The following CLVS1 variants were observed in gnomAD, a reference collection of about 807,000 sequenced individuals.
CLVS1 encodes clavesin 1, also known as clavesin-1.
A neutral mutation model predicts 33.1 loss-of-function variants in CLVS1; 10 were observed. That is an observed-to-expected ratio of 0.30 (90% CI 0.19 to 0.51). The LOEUF is 0.51. CLVS1 is among the 20% of genes least tolerant of loss of function. The probability of loss-of-function intolerance (pLI) is 0.97; values close to 1 mark genes in which losing one functional copy is unlikely to be tolerated. For missense variants in CLVS1, 343 were observed against 433.4 expected (o/e 0.79, Z 1.85); for synonymous variants, 163 against 166.1 (o/e 0.98, Z 0.14).
the CLVS1 span, among the ~76,000 whole-genome samples, chr8:61,036,432 G>A: frequency 1.3e-5 from 2 of 152,334 alleles, no homozygotes; most frequent in South Asian, 4.1e-4. Context: ...TCACTTGGTA[G>A]CACTCAGACT....
At chr8:61,267,556 T>C (rs1375834712) in intron 2 of CLVS1, among the ~76,000 whole-genome samples, 2 of 152,214 alleles carry the variant, frequency 1.3e-5, no homozygotes, top group African/African-American at 2.4e-5. Context: ...GGGAAAATTA[T>C]CTTCAGCCTT....
chr8:61,230,238 G>C (rs1563454347), intron 2 of CLVS1, among the ~76,000 whole-genome samples: 2 of 152,140 alleles, frequency 1.3e-5, no homozygotes, highest in Admixed American at 1.3e-4. Flanking sequence ...ACTTTTCTTT[G>C]TGAGGGCCAA....
At chr8:61,123,218 G>A (rs1184887777) in intron 1 of CLVS1, among the ~76,000 whole-genome samples, 3 of 133,932 alleles carry the variant, frequency 2.2e-5, no homozygotes, top group African/African-American at 8.0e-5. Context: ...GCGCTGAGCC[G>A]AGATCGCACC....
At chr8:61,495,251 T>C (rs1804229939) in intron 5 of CLVS1, among the ~76,000 whole-genome samples, 1 of 152,154 alleles carries the variant, frequency 6.6e-6, no homozygotes, top group South Asian at 2.1e-4. Context: ...CTCCTCTGAC[T>C]GGGTAATGGG....
intron 5 of CLVS1, among the ~76,000 whole-genome samples, chr8:61,476,208 C>T (rs954810563): frequency 1.3e-5 from 2 of 152,242 alleles, no homozygotes; most frequent in South Asian, 2.1e-4. Context: ...AGCCTTGTAG[C>T]ATAGTTTGAA....
chr8:61,271,773 C>T (rs1240369535), intron 2 of CLVS1, among the ~76,000 whole-genome samples: 4 of 146,772 alleles, frequency 2.7e-5, no homozygotes, highest in Non-Finnish European at 6.0e-5. Context: ...TATGTAATGG[C>T]CTTCTTTGTC....
intron 2 of CLVS1, among the ~76,000 whole-genome samples, chr8:61,140,721 C>A (rs1806292320): frequency 6.6e-6 from 1 of 152,102 alleles, no homozygotes; most frequent in Admixed American, 6.5e-5. Flanking sequence ...GCCACCATGC[C>A]CGGCTAAATT....
At chr8:61,026,022 C>T in the CLVS1 span, among the ~76,000 whole-genome samples, 8 of 150,198 alleles carry the variant, frequency 5.3e-5, no homozygotes, top group South Asian at 2.1e-4. Context: ...GAATGTCCCA[C>T]CCCCCTTCCC....
At chr8:61,101,728 A>G (rs1049326523) in intron 1 of CLVS1, among the ~76,000 whole-genome samples, 4 of 151,882 alleles carry the variant, frequency 2.6e-5, no homozygotes, top group African/African-American at 7.3e-5. Context: ...TACAAGTTTT[A>G]TATGTTTTTA....
intron 5 of CLVS1, among the ~76,000 whole-genome samples, chr8:61,474,860 T>C (rs1291267865): frequency 6.6e-6 from 1 of 152,240 alleles, no homozygotes; most frequent in Non-Finnish European, 1.5e-5. Context: ...GTTTGTTACA[T>C]ATGTATACAT....
chr8:61,144,335 AATG>A (rs1445656069), intron 2 of CLVS1, among the ~76,000 whole-genome samples: 1 of 152,128 alleles, frequency 6.6e-6, no homozygotes, highest in Non-Finnish European at 1.5e-5. Flanking sequence ...GTTTGCTGAG[AATG>A]ATGCTTTCCA....
intron 5 of CLVS1, among the ~76,000 whole-genome samples, chr8:61,492,321 T>G (rs546655138): frequency 1.3e-5 from 2 of 152,254 alleles, no homozygotes; most frequent in African/African-American, 4.8e-5. Flanking sequence ...TAAATAAATA[T>G]TAATGAGATA....
chr8:61,344,287 T>C (rs1439046351), intron 2 of CLVS1, among the ~76,000 whole-genome samples: 1 of 152,198 alleles, frequency 6.6e-6, no homozygotes, highest in East Asian at 1.9e-4. Flanking sequence ...CCTCAGGTGA[T>C]CCACCCACAT....
intron 2 of CLVS1, among the ~76,000 whole-genome samples, chr8:61,140,224 T>G (rs1302312060): frequency 6.6e-6 from 1 of 152,216 alleles, no homozygotes; most frequent in African/African-American, 2.4e-5. Flanking sequence ...AAAAGCTGAA[T>G]CTTTGCTGTT....
chr8:61,452,201 G>C (rs114627935), intron 3 of CLVS1, among the ~76,000 whole-genome samples: 1 of 152,170 alleles, frequency 6.6e-6, no homozygotes, highest in Non-Finnish European at 1.5e-5. Context: ...GATGATTGAG[G>C]CTTCATAAAC....
chr8:61,458,608 A>C, intron 5 of CLVS1, 66 bp downstream of exon 5: 1 of 1,041,030 alleles, frequency 9.6e-7, no homozygotes, highest in Non-Finnish European at 1.4e-6. Flanking sequence ...ATTTGGACCT[A>C]TTGTGAATTA....
chr8:61,039,118 T>A, the CLVS1 span, among the ~76,000 whole-genome samples: 1 of 152,350 alleles, frequency 6.6e-6, no homozygotes, highest in African/African-American at 2.4e-5. Context: ...TTGTTTATTG[T>A]TGTTAGTGTA....
intron 2 of CLVS1, among the ~76,000 whole-genome samples, chr8:61,171,883 T>C (rs1807008590): frequency 6.6e-6 from 1 of 152,096 alleles, no homozygotes; most frequent in African/African-American, 2.4e-5. Flanking sequence ...TACTGTGGTG[T>C]GGAAGTCAAG....
intron 2 of CLVS1, among the ~76,000 whole-genome samples, chr8:61,360,174 C>G (rs181922511): frequency 1.3e-5 from 2 of 152,192 alleles, no homozygotes; most frequent in Admixed American, 6.5e-5. Context: ...GAAGAACACA[C>G]CTTTCCCACT....
Sources: allele counts gnomAD v4.1 joint callset (sites outside exome capture counted in the v4.1 genomes callset), GRCh38; gene constraint gnomAD v4.1.1; transcripts MANE v1.5; gene names NCBI Gene and HGNC (gene_info 2026-07-23, HGNC 2026-07-21).